MLLT3: variants seen among roughly 807,000 people sequenced by gnomAD.
MLLT3 encodes protein AF-9.
A neutral mutation model predicts 53.2 loss-of-function variants in MLLT3; 4 were observed. The ratio of observed to expected loss-of-function variants is 0.08; its 90% confidence interval spans 0.04 to 0.17. MLLT3 has a LOEUF of 0.17. MLLT3 is among the 10% of genes least tolerant of loss of function. MLLT3 has a pLI of 1.00. For missense variants in MLLT3, 569 were observed against 684.0 expected (o/e 0.83, Z 1.87); for synonymous variants, 283 against 230.6 (o/e 1.23, Z -2.06).
intron 2 of MLLT3, among the ~76,000 whole-genome samples, chr9:20,576,535 A>G (rs1252124424): frequency 6.6e-6 from 1 of 152,110 alleles, no homozygotes; most frequent in Non-Finnish European, 1.5e-5. Context: ...TGTGCCAGGA[A>G]ATAGGGAGGT....
At chr9:20,386,063 T>G (rs954626990) in intron 5 of MLLT3, among the ~76,000 whole-genome samples, 21 of 152,202 alleles carry the variant, frequency 1.4e-4, no homozygotes, top group Non-Finnish European at 2.2e-4. Flanking sequence ...CCATTTCCAA[T>G]GGGCACTGCC....
chr9:20,484,263 A>C (rs1402157407), intron 2 of MLLT3, among the ~76,000 whole-genome samples: 1 of 152,160 alleles, frequency 6.6e-6, no homozygotes, highest in Non-Finnish European at 1.5e-5. Context: ...TTTTCCATTT[A>C]GGTCTACTAA....
At chr9:20,597,759 A>C (rs1222074633) in intron 2 of MLLT3, among the ~76,000 whole-genome samples, 2 of 152,252 alleles carry the variant, frequency 1.3e-5, no homozygotes, top group Admixed American at 1.3e-4. Flanking sequence ...AGAAACAAAA[A>C]GAAATGGAAA....
At chr9:20,359,164 A>G (rs1428631124) in intron 8 of MLLT3, among the ~76,000 whole-genome samples, 1 of 151,050 alleles carries the variant, frequency 6.6e-6, no homozygotes, top group Non-Finnish European at 1.5e-5. Context: ...AAAAAAAAAA[A>G]AAAAAAAAAA....
At chr9:20,493,047 T>A (rs1269389203) in intron 2 of MLLT3, among the ~76,000 whole-genome samples, 1 of 151,942 alleles carries the variant, frequency 6.6e-6, no homozygotes, top group East Asian at 1.9e-4. Context: ...CTATAGGTAT[T>A]ATTCCCATTT....
intron 2 of MLLT3, among the ~76,000 whole-genome samples, chr9:20,515,150 G>A (rs1364953988): frequency 1.3e-5 from 2 of 151,960 alleles, no homozygotes; most frequent in African/African-American, 4.8e-5. Flanking sequence ...GTTTCACTAT[G>A]TTGGCCAGGC....
intron 2 of MLLT3, among the ~76,000 whole-genome samples, chr9:20,589,262 G>C (rs1308400028): frequency 6.6e-6 from 1 of 151,862 alleles, no homozygotes; most frequent in African/African-American, 2.4e-5. Context: ...GCCATAAAAA[G>C]GATGAGTTCA....
intron 2 of MLLT3, among the ~76,000 whole-genome samples, chr9:20,544,428 C>CT (rs1270961182): frequency 6.6e-6 from 1 of 152,100 alleles, no homozygotes; most frequent in Admixed American, 6.5e-5. Context: ...TTGAACAGGA[C>CT]TTGAACAGAC....
chr9:20,464,933 T>C (rs1161386719), intron 2 of MLLT3, among the ~76,000 whole-genome samples: 1 of 152,152 alleles, frequency 6.6e-6, no homozygotes, highest in East Asian at 1.9e-4. Context: ...GTTTCTCATA[T>C]CTTAAATTCT....
chr9:20,605,620 G>A (rs1041469968), intron 2 of MLLT3, among the ~76,000 whole-genome samples: 17 of 151,756 alleles, frequency 1.1e-4, no homozygotes, highest in Admixed American at 8.6e-4. Flanking sequence ...CAAGTAATTC[G>A]CCTAAAGAAC....
chr9:20,620,861 C>G lies in MLLT3; in HGVS notation c.13-27G>C, dbSNP rs369353127. 1.2e-6 allele frequency: 2 copies of G among 1,613,138 alleles called. No individual in the cohort carries two copies. Among genetic ancestry groups the G allele is most frequent in the East Asian group, 2.2e-5 (1 of 44,840 alleles). On this transcript the variant is annotated intron_variant, in intron 1 of 10. Coordinates refer to ENST00000380338, the MANE Select transcript of MLLT3 (RefSeq NM_004529.4). This position sits in a 1 kb window ranked among gnomAD's most constrained non-coding sequence, Gnocchi z 6.1. ...TGCGGGCAGGGGGAGGAGAGACAGC[C>G]GTGAATAACAGGAAGGCGAGGTTTC...
At chr9:20,535,711 G>C (rs1392049044) in intron 2 of MLLT3, among the ~76,000 whole-genome samples, 1 of 152,164 alleles carries the variant, frequency 6.6e-6, no homozygotes, top group Non-Finnish European at 1.5e-5. Flanking sequence ...GTACAGCAGA[G>C]ATGCTCACCA....
chr9:20,555,265 C>T (rs924917648), intron 2 of MLLT3, among the ~76,000 whole-genome samples: 1 of 152,154 alleles, frequency 6.6e-6, no homozygotes, highest in African/African-American at 2.4e-5. Context: ...TGGTTGAAAA[C>T]ACAGTTTCCT....
intron 5 of MLLT3, among the ~76,000 whole-genome samples, chr9:20,402,163 C>T (rs1250565987): frequency 3.3e-5 from 5 of 152,106 alleles, no homozygotes; most frequent in Non-Finnish European, 5.9e-5. Context: ...AAAAGTAAGT[C>T]AAAAGTGCCA....
chr9:20,592,366 A>G (rs1820150686), intron 2 of MLLT3, among the ~76,000 whole-genome samples: 1 of 152,192 alleles, frequency 6.6e-6, no homozygotes, highest in African/African-American at 2.4e-5. Flanking sequence ...TGGAGGCTCT[A>G]AGTCCAAGAT....
chr9:20,583,021 T>A (rs1223229199), intron 2 of MLLT3, among the ~76,000 whole-genome samples: 1 of 152,160 alleles, frequency 6.6e-6, no homozygotes, highest in African/African-American at 2.4e-5. Context: ...CAAAGTCTCA[T>A]GTGAGAAAAG....
chr9:20,472,384 C>G (rs12001320), intron 2 of MLLT3, among the ~76,000 whole-genome samples: 2,525 of 152,100 alleles, frequency 0.017, 70 homozygotes, highest in African/African-American at 0.057. Flanking sequence ...TCCCAAACAT[C>G]GCACATTTAT....
Position 20,448,123 on chromosome 9 carries a change from C to G in MLLT3, c.420G>C (p.Gly140=). 1 of 1,610,326 alleles carries G rather than the reference C, an allele frequency of 6.2e-7. No individual in the cohort carries two copies. The highest frequency in any genetic ancestry group is 8.5e-7 in the Non-Finnish European group (1 of 1,178,546). ...CTTTTCACAAGAGAGTGCCACTTAC[C>G]CCTCCTGCCTTCAGCAACTTTCTCC... The part of the protein sequence containing the change: ...DFRRKLLKAG[G]DPNRSIHTSS... Residue 140 remains glycine (G), a splice_region_variant and synonymous_variant, in exon 4 of 11, where the codon GGG becomes GGC. Transcript: ENST00000380338. The surrounding 1 kb of genome is among the most constrained non-coding windows in gnomAD (Gnocchi z 4.0).
At chr9:20,503,370 G>C (rs866865083) in intron 2 of MLLT3, among the ~76,000 whole-genome samples, 3 of 151,980 alleles carry the variant, frequency 2.0e-5, no homozygotes, top group Middle Eastern at 3.4e-3. Context: ...GAATGGAATA[G>C]AGGGCCCAGA....
Sources: allele counts gnomAD v4.1 joint callset (sites outside exome capture counted in the v4.1 genomes callset), GRCh38; gene constraint gnomAD v4.1.1; non-coding constraint Gnocchi (gnomAD v3.1); transcripts MANE v1.5; gene names NCBI Gene and HGNC (gene_info 2026-07-23, HGNC 2026-07-21).